The following SERINC2 variants were observed in gnomAD, a reference collection of about 807,000 sequenced individuals.
SERINC2 encodes tumor differentially expressed protein 2.
In SERINC2, 56 loss-of-function variants were observed where a neutral mutation model predicts 54.2. That is an observed-to-expected ratio of 1.03 (90% CI 0.83 to 1.29). The LOEUF (loss-of-function observed/expected upper bound fraction) is 1.29, where lower values mean the gene tolerates loss of function less well. SERINC2 is among the 50% of genes most tolerant of loss of function. The probability of loss-of-function intolerance (pLI) is 0.00; values close to 1 mark genes in which losing one functional copy is unlikely to be tolerated. For synonymous variants in SERINC2, 272 were observed against 253.1 expected, an observed-to-expected ratio of 1.07 and a Z score of -0.71; for missense variants, 614 against 607.4, an observed-to-expected ratio of 1.01 and a Z score of -0.12.
Position 31,426,735 on chromosome 1 carries a change from G to A in SERINC2, c.692G>A (p.Ser231Asn). The A allele has an allele frequency of 6.2e-7, 1 of 1,614,160 alleles. No individual in the cohort carries two copies. Among genetic ancestry groups the A allele is most frequent in the South Asian group, 1.1e-5 (1 of 91,088 alleles). The change falls in exon 6 of 10, where the codon AGC (serine) becomes AAC (asparagine). Residue 231 changes from serine to asparagine, a missense_variant. Physicochemically the swap from Ser to Asn is conservative, Grantham distance 46. Coordinates refer to ENST00000373709, the MANE Select transcript of SERINC2 (RefSeq NM_178865.5). The stretch of plus-strand genomic sequence containing the variant: ...ATGTTCATGTACTACACTGAGCCCA[G>A]CGGCTGCCACGAGGGCAAGGTCTTC... ...ALMFMYYTEP[S>N]GCHEGKVFIS... is the part of the protein sequence containing the mutation.
chr1:31,420,790 A>G (rs533200952), intron 1 of SERINC2, among the ~76,000 whole-genome samples: 1 of 152,334 alleles, frequency 6.6e-6, no homozygotes, highest in South Asian at 2.1e-4. Flanking sequence ...CTTAATGTAG[A>G]TAAAGTGCTT....
Position 31,434,141 on chromosome 1 carries a change from T to C in SERINC2, c.1310T>C (p.Leu437Pro). The part of the protein sequence containing the change: ...VKICASWAGL[L>P]LYLWTLVAPL... ...ATCTGTGCCAGCTGGGCAGGGCTGC[T>C]CCTCTACCTGTGGACCCTGGTAGCC... The change falls in exon 10 of 10, where the codon CTC (leucine) becomes CCC (proline). Residue 437 changes from leucine to proline, a missense_variant. Transcript: ENST00000373709. 1 of 1,613,888 alleles carries C rather than the reference T, an allele frequency of 6.2e-7. No homozygotes were observed. The highest frequency in any genetic ancestry group is 8.5e-7 in the Non-Finnish European group (1 of 1,179,926).
chr1:31,431,172 T>C (rs1472651839), intron 8 of SERINC2, among the ~76,000 whole-genome samples: 2 of 147,690 alleles, frequency 1.4e-5, no homozygotes, highest in Non-Finnish European at 3.0e-5. Flanking sequence ...TCACCCAGGC[T>C]GGAGTGCAAT....
chr1:31,414,695 C>A (rs1640742418), intron 1 of SERINC2: 1 of 985,404 alleles, frequency 1.0e-6, no homozygotes, highest in Admixed American at 6.1e-5. Flanking sequence ...AGGTTTGGGC[C>A]AGGTCTCTGC....
At chr1:31,432,156 C>CAGGGTGGAGAGGGTGGAT (rs1641302019) in intron 8 of SERINC2, among the ~76,000 whole-genome samples, 1 of 4,558 alleles carries the variant, frequency 2.2e-4, no homozygotes, top group Admixed American at 2.8e-3. Context: ...ACAGGGTGGA[C>CAGGGTGGAGAGGGTGGAT]AGGGTGGATA....
At chr1:31,426,847 G>T in intron 6 of SERINC2, 24 bp downstream of exon 6, 1 of 1,606,032 alleles carries the variant, frequency 6.2e-7, no homozygotes, top group Non-Finnish European at 8.5e-7. Context: ...ACCCCCCCTG[G>T]CCTGAAGCCC....
intron 1 of SERINC2, among the ~76,000 whole-genome samples, chr1:31,421,284 C>A (rs1458070992): frequency 6.6e-6 from 1 of 152,022 alleles, no homozygotes; most frequent in Non-Finnish European, 1.5e-5. Context: ...CTGCTGCCAT[C>A]TGTGGAAAAA....
upstream of SERINC2, among the ~76,000 whole-genome samples, chr1:31,411,171 G>T (rs1553131423): frequency 2.0e-5 from 3 of 152,140 alleles, no homozygotes; most frequent in African/African-American, 4.8e-5. Flanking sequence ...TCCCCTAAAG[G>T]CCTCGGGTTA....
upstream of SERINC2, among the ~76,000 whole-genome samples, chr1:31,411,327 C>T (rs1461679322): frequency 6.6e-6 from 1 of 152,178 alleles, no homozygotes; most frequent in Non-Finnish European, 1.5e-5. Context: ...GTGTGGCCTT[C>T]AGCAATAGTA....
chr1:31,434,641 T>G lies in SERINC2; in HGVS notation c.*442T>G. The G allele has an allele frequency of 5.3e-6, 1 of 189,188 alleles. No individual in the cohort carries two copies. The highest frequency in any genetic ancestry group is 1.1e-5 in the Non-Finnish European group (1 of 90,202). 11.7% of individuals were successfully genotyped at this position (189,188 alleles called of 1,614,324 possible). A position where few individuals can be genotyped will look rare whatever the true frequency, so the allele number is the denominator to read the frequency against. ...TGGACTTCGTGCCTTACTGAGTCTCTAAGACTTTTTCTAATAAACAAGCCA... is the reference window on the plus strand; with the variant it reads ...TGGACTTCGTGCCTTACTGAGTCTCGAAGACTTTTTCTAATAAACAAGCCA... On this transcript the variant is annotated 3_prime_UTR_variant, in exon 10 of 10. Transcript: ENST00000373709.
intron 8 of SERINC2, among the ~76,000 whole-genome samples, chr1:31,432,294 A>G (rs916213078): frequency 6.6e-6 from 1 of 151,436 alleles, no homozygotes; most frequent in Admixed American, 6.6e-5. Context: ...GCTGGAATCC[A>G]GCTCTCCTTT....
intron 8 of SERINC2, among the ~76,000 whole-genome samples, chr1:31,430,827 A>G (rs1030582278): frequency 2.6e-5 from 4 of 151,988 alleles, no homozygotes; most frequent in Non-Finnish European, 4.4e-5. Flanking sequence ...TCCAAGCACC[A>G]CTTTCCATCT....
chr1:31,432,862 C>T (rs939923033), intron 8 of SERINC2, 105 bp from the exon 9 acceptor site: 3 of 825,620 alleles, frequency 3.6e-6, no homozygotes, highest in Admixed American at 2.2e-5. Flanking sequence ...ACTCCCAGGC[C>T]CAGTAACCGG....
At chr1:31,415,273 A>G (rs975783075) in intron 1 of SERINC2, among the ~76,000 whole-genome samples, 4 of 152,194 alleles carry the variant, frequency 2.6e-5, no homozygotes, top group African/African-American at 9.6e-5. Context: ...GAATTGGGAG[A>G]TAACTTAGTG....
chr1:31,410,355 G>T, upstream of SERINC2: 1 of 1,548,250 alleles, frequency 6.5e-7, no homozygotes, highest in Non-Finnish European at 8.7e-7. Context: ...TCAGATAGCT[G>T]GGGTAAAAAA....
rs898557936 is a variant in SERINC2, at chr1:31,434,342, G to C, written c.*143G>C. The C allele has an allele frequency of 1.2e-6, 1 of 824,672 alleles. No individual in the cohort carries two copies. Among genetic ancestry groups the C allele is most frequent in the Non-Finnish European group, 1.9e-6 (1 of 527,254 alleles). The allele number at this position is 824,672 out of a possible 1,614,324, so 51.1% of individuals were successfully genotyped here. A position where few individuals can be genotyped will look rare whatever the true frequency, so the allele number is the denominator to read the frequency against. On this transcript the variant is annotated 3_prime_UTR_variant, in exon 10 of 10. Transcript: ENST00000373709. ...CAGCTCCAGGACCTGCCCCTGAGCC[G>C]GGCCTTCTAGTCGTAGTGCCTTCAG...
intron 3 of SERINC2, 71 bp from the exon 4 acceptor site, chr1:31,425,259 A>G: frequency 3.5e-6 from 4 of 1,154,606 alleles, no homozygotes; most frequent in Non-Finnish European, 5.3e-6. Flanking sequence ...CTCTGGGGCC[A>G]GGCCCAGTCT....
At chr1:31,431,841 T>TAGGGTGGAGAGGGTGGAG in intron 8 of SERINC2, among the ~76,000 whole-genome samples, 1 of 36,098 alleles carries the variant, frequency 2.8e-5, no homozygotes, top group Admixed American at 3.8e-4. Context: ...ATAGGGTGGA[T>TAGGGTGGAGAGGGTGGAG]AGGGTGGATA....
At chr1:31,430,216 A>G (rs1232396014) in intron 8 of SERINC2, among the ~76,000 whole-genome samples, 2 of 152,120 alleles carry the variant, frequency 1.3e-5, no homozygotes, top group Non-Finnish European at 2.9e-5. Context: ...AGTATGTGTA[A>G]AACACTTAGA....
Sources: gnomAD v4.1 joint callset for allele counts (sites outside exome capture counted in the v4.1 genomes callset) on GRCh38, gnomAD v4.1.1 for gene constraint, MANE v1.5 for transcripts, NCBI Gene and HGNC (gene_info 2026-07-23, HGNC 2026-07-21) for gene names.